ARAP2: variants seen among roughly 807,000 people sequenced by gnomAD.
ARAP2 encodes ArfGAP with RhoGAP domain, ankyrin repeat and PH domain 2.
ARAP2 carries 148 observed loss-of-function variants against 194.5 expected under a neutral mutation model. The ratio of observed to expected loss-of-function variants is 0.76; its 90% CI spans 0.67 to 0.87. The LOEUF is 0.87. ARAP2 is among the 40% of genes least tolerant of loss of function. ARAP2 has a pLI of 0.00. For synonymous variants in ARAP2, 695 were observed against 683.5 expected (o/e 1.02, Z -0.26); for missense variants, 2,128 against 1,989.7 (o/e 1.07, Z -1.32).
chr4:36,019,698 A>G (rs1179240000), intron 5 of ARAP2, among the ~76,000 whole-genome samples: 1 of 152,156 alleles, frequency 6.6e-6, no homozygotes, highest in East Asian at 1.9e-4. Flanking sequence ...TACAAAAGGT[A>G]TGAGATGAGA....
chr4:36,084,204 A>T (rs1333862658), intron 28 of ARAP2, among the ~76,000 whole-genome samples: 1 of 152,044 alleles, frequency 6.6e-6, no homozygotes, highest in African/African-American at 2.4e-5. Flanking sequence ...TGACTGTAGG[A>T]GTCAATATCC....
chr4:36,189,990 C>T (rs544994470), intron 7 of ARAP2, among the ~76,000 whole-genome samples: 2 of 152,332 alleles, frequency 1.3e-5, no homozygotes, highest in East Asian at 1.9e-4. Flanking sequence ...ATTCTCCCCA[C>T]ATCTAGAATA....
downstream of ARAP2, among the ~76,000 whole-genome samples, chr4:36,064,124 ATAAT>A (rs1577706182): frequency 6.6e-6 from 1 of 152,146 alleles, no homozygotes; most frequent in East Asian, 1.9e-4. Context: ...ACCATGTCTA[ATAAT>A]TAATTTTAGG....
intron 6 of ARAP2, among the ~76,000 whole-genome samples, chr4:36,199,349 T>A (rs188591036): frequency 2.3e-4 from 35 of 152,364 alleles, no homozygotes; most frequent in African/African-American, 7.7e-4. Context: ...GGGAGTGCAG[T>A]GGCACAATCT....
At chr4:36,056,948 A>AT (rs1257397300) in intron 2 of ARAP2, among the ~76,000 whole-genome samples, 441 of 145,210 alleles carry the variant, frequency 3.0e-3, no homozygotes, top group Non-Finnish European at 4.6e-3. Flanking sequence ...TGTTTACCTG[A>AT]TTTTTTTTTT....
At chr4:36,082,750 G>A (rs73123473) in intron 29 of ARAP2, among the ~76,000 whole-genome samples, 3,649 of 152,184 alleles carry the variant, frequency 0.024, 159 homozygotes, top group African/African-American at 0.084. Context: ...ATGATACTAA[G>A]TATTAGTGCA....
chr4:36,016,181 C>G lies in ARAP2; in HGVS notation n.751-223G>C, dbSNP rs569155078. On this transcript the variant is annotated intron_variant and non_coding_transcript_variant, in intron 6 of 12. Coordinates refer to the ARAP2 transcript ENST00000503225. ...TTTGGAAATTAAAATCTCTAATGAACAAACAAGTTACAAAAGAATATGTAT... is the reference window on the plus strand; with the variant it reads ...TTTGGAAATTAAAATCTCTAATGAAGAAACAAGTTACAAAAGAATATGTAT... Among the ~76,000 whole-genome samples, 9 of 152,026 alleles carry G rather than the reference C, an allele frequency of 5.9e-5. No individual in the cohort carries two copies. In the East Asian group the frequency reaches 1.7e-3, roughly 29 times the overall value.
At position 36,133,771 on chromosome 4, in the gene ARAP2, T is replaced by C. The variant is rs75854310; in HGVS notation, c.3264-382A>G. Reference sequence around the variant, plus strand: ...AAAAACTAGCATTCAATTTGAATTTTATAGCATAATTCTTTCTGGATTTTC... The same window carrying C: ...AAAAACTAGCATTCAATTTGAATTTCATAGCATAATTCTTTCTGGATTTTC... On this transcript the variant is annotated intron_variant, in intron 19 of 32. Transcript: ENST00000303965. Among the ~76,000 whole-genome samples, 348 of 151,934 alleles carry C rather than the reference T, an allele frequency of 2.3e-3. 1 individual carries two copies. The highest frequency in any genetic ancestry group is 8.0e-3 in the African/African-American group (331 of 41,534).
intron 4 of ARAP2, among the ~76,000 whole-genome samples, chr4:36,046,310 C>T (rs1386489795): frequency 1.3e-5 from 2 of 152,122 alleles, no homozygotes; most frequent in African/African-American, 4.8e-5. Flanking sequence ...TCTTGAGTAT[C>T]TGGGACTACA....
chr4:36,180,364 C>T (rs367660959), intron 8 of ARAP2, among the ~76,000 whole-genome samples: 3 of 152,136 alleles, frequency 2.0e-5, no homozygotes, highest in African/African-American at 7.2e-5. Flanking sequence ...TGTTATACAT[C>T]ATAAACCAAA....
chr4:36,053,294 G>A (rs1722990166), intron 2 of ARAP2, among the ~76,000 whole-genome samples: 1 of 151,742 alleles, frequency 6.6e-6, no homozygotes. Context: ...ATGAGCCACC[G>A]CGCCCGGCCC....
Position 36,147,543 on chromosome 4 carries a change from CT to C in ARAP2, c.3199+4del, listed in dbSNP as rs751926839. The C allele has an allele frequency of 1.2e-6, 2 of 1,602,038 alleles. No individual in the cohort carries two copies. The highest frequency in any genetic ancestry group is 2.3e-5 in the South Asian group (2 of 88,334). On this transcript the variant is annotated splice_donor_region_variant and intron_variant, in intron 18 of 32. Coordinates refer to ENST00000303965, the MANE Select transcript of ARAP2 (RefSeq NM_015230.4). Reference sequence around the variant, plus strand: ...CCAAAGATAAGGGAAGAAAAAAGCTCTTACTTAGCTCTTGCAGTCTTCTTAA... The same window carrying C: ...CCAAAGATAAGGGAAGAAAAAAGCTCTACTTAGCTCTTGCAGTCTTCTTAA...
intron 26 of ARAP2, among the ~76,000 whole-genome samples, chr4:36,112,662 T>C (rs1720319405): frequency 6.6e-6 from 1 of 151,562 alleles, no homozygotes; most frequent in Admixed American, 6.6e-5. Flanking sequence ...GGCTCCTATA[T>C]ACTAGGCACT....
At chr4:36,014,244 A>AGAAAGAAAGAAAGAAAGAAAGAAC (rs1310879342) in intron 8 of ARAP2, among the ~76,000 whole-genome samples, 3 of 129,566 alleles carry the variant, frequency 2.3e-5, no homozygotes, top group African/African-American at 9.0e-5. Flanking sequence ...AAAGAAAGAA[A>AGAAAGAAAGAAAGAAAGAAAGAAC]GAAAGAAAGA....
At chr4:36,010,852 T>G (rs1399561806) in intron 9 of ARAP2, among the ~76,000 whole-genome samples, 2 of 152,166 alleles carry the variant, frequency 1.3e-5, no homozygotes, top group African/African-American at 4.8e-5. Flanking sequence ...TGACTAGTTC[T>G]GCCAAATGAA....
intron 8 of ARAP2, among the ~76,000 whole-genome samples, chr4:36,182,366 C>T (rs980776451): frequency 6.6e-6 from 1 of 152,104 alleles, no homozygotes; most frequent in African/African-American, 2.4e-5. Flanking sequence ...TTGGCACACG[C>T]CCATAGTCCC....
At chr4:36,113,666 A>T (rs1012315338) in intron 26 of ARAP2, among the ~76,000 whole-genome samples, 1 of 151,852 alleles carries the variant, frequency 6.6e-6, no homozygotes, top group African/African-American at 2.4e-5. Flanking sequence ...TCAGCACTTG[A>T]CTGTTGGGGT....
chr4:36,106,759 C>A (rs1718518910), intron 27 of ARAP2, among the ~76,000 whole-genome samples: 1 of 151,662 alleles, frequency 6.6e-6, no homozygotes, highest in Non-Finnish European at 1.5e-5. Flanking sequence ...GGTAATATAA[C>A]TTACAAGGAA....
chr4:36,112,433 A>G (rs534202953), intron 26 of ARAP2, among the ~76,000 whole-genome samples: 1 of 152,112 alleles, frequency 6.6e-6, no homozygotes, highest in Admixed American at 6.6e-5. Context: ...ATGAGGAAAT[A>G]AAGGGTTTTA....
Sources: allele counts gnomAD v4.1 joint callset (sites outside exome capture counted in the v4.1 genomes callset), GRCh38; gene constraint gnomAD v4.1.1; transcripts MANE v1.5; gene names NCBI Gene and HGNC (gene_info 2026-07-23, HGNC 2026-07-21).